ADCY9: variants seen among roughly 807,000 people sequenced by gnomAD.
ADCY9 encodes the protein adenylate cyclase 9, also known as adenylate cyclase type 9.
A neutral mutation model predicts 101.5 loss-of-function variants in ADCY9; 50 were observed. The observed-to-expected ratio is 0.49, with a 90% CI of 0.39 to 0.62. The LOEUF is 0.62. Ranked by LOEUF, ADCY9 falls within the 20% of genes least tolerant of loss-of-function variation. The pLI, the probability that ADCY9 is intolerant of heterozygous loss-of-function variation, is 0.00. For missense variants in ADCY9, 1,662 were observed against 1,800.4 expected (o/e 0.92, Z 1.39); for synonymous variants, 905 against 769.3 (o/e 1.18, Z -2.92).
Position 4,115,799 on chromosome 16 carries a change from T to C in ADCY9, c.-153A>G, listed in dbSNP as rs1369813651. The C allele has an allele frequency of 5.0e-6, 2 of 399,452 alleles. No individual in the cohort carries two copies. The highest frequency in any genetic ancestry group is 4.3e-5 in the Admixed American group (1 of 23,232). 24.7% of individuals were successfully genotyped at this position (399,452 alleles called of 1,614,324 possible). A position where few individuals can be genotyped will look rare whatever the true frequency, so the allele number is the denominator to read the frequency against. On this transcript the variant is annotated 5_prime_UTR_variant, in exon 1 of 11. Transcript: ENST00000294016. The surrounding 1 kb of genome is among the most constrained non-coding windows in gnomAD (Gnocchi z 6.2). ...AGGGTGGCCTCCGCGCCGCGCGGCT[T>C]CTCCTCCTCGCGCGCTCGCCTCCTC...
chr16:4,059,196 G>C (rs2056759060), intron 2 of ADCY9, among the ~76,000 whole-genome samples: 1 of 151,780 alleles, frequency 6.6e-6, no homozygotes, highest in Non-Finnish European at 1.5e-5. Context: ...GACCAGCCTG[G>C]CCAACATGAT....
At chr16:3,990,464 T>G (rs2056234884) in intron 5 of ADCY9, among the ~76,000 whole-genome samples, 1 of 40,934 alleles carries the variant, frequency 2.4e-5, no homozygotes, top group Non-Finnish European at 8.1e-5. Flanking sequence ...AGACTATGTC[T>G]CAAAAAAAAA....
chr16:3,973,552 G>A (rs2531991), intron 10 of ADCY9, among the ~76,000 whole-genome samples: 86,244 of 151,864 alleles, frequency 0.57, 28,972 homozygotes, highest in Non-Finnish European at 0.75. Context: ...AGGCTGGGGT[G>A]CAAGGACACC....
At chr16:4,068,336 A>C (rs987905742) in intron 2 of ADCY9, among the ~76,000 whole-genome samples, 2 of 151,924 alleles carry the variant, frequency 1.3e-5, no homozygotes, top group Non-Finnish European at 2.9e-5. Flanking sequence ...AAAAAAAAAC[A>C]AAGCAAAAAA....
chr16:3,956,601 C>T (rs2055907995), intron 5 of ADCY9, among the ~76,000 whole-genome samples: 1 of 148,700 alleles, frequency 6.7e-6, no homozygotes, highest in African/African-American at 2.5e-5. Context: ...AGCGATTCTC[C>T]TGCCTCAGCC....
chr16:3,983,123 A>C, intron 7 of ADCY9, 109 bp downstream of exon 7: 1 of 1,060,080 alleles, frequency 9.4e-7, no homozygotes, highest in Non-Finnish European at 1.3e-6. Context: ...GAAATCAGCC[A>C]GCAGGGACAG....
intron 2 of ADCY9, among the ~76,000 whole-genome samples, chr16:4,056,827 A>G (rs2056741314): frequency 6.6e-6 from 1 of 152,100 alleles, no homozygotes; most frequent in Non-Finnish European, 1.5e-5. Flanking sequence ...TGTTTTTATT[A>G]TCTCTGGTTG....
chr16:3,979,240 G>C lies in ADCY9; in HGVS notation c.2555C>G (p.Thr852Ser). 1 of 1,613,980 alleles carries C rather than the reference G, an allele frequency of 6.2e-7. No homozygotes were observed. Among genetic ancestry groups the C allele is most frequent in the Non-Finnish European group, 8.5e-7 (1 of 1,179,984 alleles). The stretch of plus-strand genomic sequence containing the variant: ...GGCGATCCACTCCAGCAGGCGCTTG[G>C]TGCAGGCCATGACGTCCTCCAGGAA... ...VFFLEDVMAC[T>S]KRLLEWIAGW... The change falls in exon 8 of 11, where the codon ACC becomes AGC. Residue 852 changes from threonine to serine, a missense_variant. Physicochemically the swap from Thr to Ser is moderately conservative, Grantham distance 58 (BLOSUM62 1). Around this residue, in one of 5 missense-constraint regions of ADCY9, gnomAD observed 624 missense variants for 639.1 expected, o/e 0.98. Transcript: ENST00000294016.
chr16:4,074,531 C>G (rs80330703), intron 2 of ADCY9, among the ~76,000 whole-genome samples: 1 of 90,916 alleles, frequency 1.1e-5, no homozygotes, highest in African/African-American at 3.8e-5. Flanking sequence ...TCTGCCTCCG[C>G]AAAAAAAAAA....
intron 3 of ADCY9, among the ~76,000 whole-genome samples, chr16:4,004,209 C>T (rs1445797605): frequency 7.0e-6 from 1 of 143,510 alleles, no homozygotes; most frequent in Non-Finnish European, 1.5e-5. Context: ...GATCATACCA[C>T]TGGTACTCTA....
chr16:4,063,952 A>T (rs1001064030), intron 2 of ADCY9, among the ~76,000 whole-genome samples: 16 of 152,206 alleles, frequency 1.1e-4, no homozygotes, highest in Non-Finnish European at 2.1e-4. Flanking sequence ...TATCCAGAAC[A>T]ATAAGGCAGG....
chr16:4,113,119 A>G (rs1194199009), intron 2 of ADCY9, among the ~76,000 whole-genome samples: 1 of 152,056 alleles, frequency 6.6e-6, no homozygotes. Context: ...TACTATGATA[A>G]TAAAATATCC....
chr16:3,988,139 A>G (rs969834207), intron 6 of ADCY9, among the ~76,000 whole-genome samples: 1 of 152,166 alleles, frequency 6.6e-6, no homozygotes, highest in African/African-American at 2.4e-5. Context: ...AAAGATTCCA[A>G]AATGGGGCAC....
chr16:4,050,248 G>T (rs207475742), intron 2 of ADCY9, among the ~76,000 whole-genome samples: 1 of 152,142 alleles, frequency 6.6e-6, no homozygotes, highest in African/African-American at 2.4e-5. Flanking sequence ...GGAAAGGGGA[G>T]AAAGCTGAAA....
chr16:3,967,561 AAAAT>A, intron 10 of ADCY9, among the ~76,000 whole-genome samples: 1 of 151,230 alleles, frequency 6.6e-6, no homozygotes. Flanking sequence ...AGCTAATTAA[AAAAT>A]TTTTTTTTTG....
At chr16:4,084,494 G>A (rs2056925139) in intron 2 of ADCY9, among the ~76,000 whole-genome samples, 1 of 152,040 alleles carries the variant, frequency 6.6e-6, no homozygotes, top group African/African-American at 2.4e-5. Context: ...GGGAGGCCAA[G>A]GTGGGGGTAT....
At chr16:4,070,162 C>G (rs1422451495) in intron 2 of ADCY9, among the ~76,000 whole-genome samples, 1 of 151,798 alleles carries the variant, frequency 6.6e-6, no homozygotes, top group Non-Finnish European at 1.5e-5. Flanking sequence ...AAGGCATTCT[C>G]TTTTGTACTT....
chr16:3,984,480 G>C (rs2056173480), intron 6 of ADCY9, among the ~76,000 whole-genome samples: 1 of 152,200 alleles, frequency 6.6e-6, no homozygotes, highest in African/African-American at 2.4e-5. Context: ...GCTCTGGGGA[G>C]GTGCGATCTC....
intron 2 of ADCY9, among the ~76,000 whole-genome samples, chr16:4,029,300 A>T (rs2056538778): frequency 6.6e-6 from 1 of 152,236 alleles, no homozygotes; most frequent in Admixed American, 6.5e-5. Context: ...ATTTTATGGT[A>T]GGCTGAACCA....
Sources: allele counts gnomAD v4.1 joint callset (sites outside exome capture counted in the v4.1 genomes callset), GRCh38; gene constraint gnomAD v4.1.1; regional missense constraint gnomAD v4.1.1; non-coding constraint Gnocchi (gnomAD v3.1); transcripts MANE v1.5; gene names NCBI Gene and HGNC (gene_info 2026-07-23, HGNC 2026-07-21).